Variants in EML6 observed in about 807,000 individuals in gnomAD.
EML6 encodes the protein echinoderm microtubule-associated protein-like 6.
EML6 carries 154 observed loss-of-function variants against 240.1 expected under a neutral mutation model. The ratio of observed to expected loss-of-function variants is 0.64; its 90% confidence interval spans 0.56 to 0.73. EML6 has a LOEUF of 0.73. Ranked by LOEUF, EML6 falls within the 30% of genes least tolerant of loss-of-function variation. The pLI, the probability that EML6 is intolerant of heterozygous loss-of-function variation, is 0.00. For missense variants in EML6, 2,964 were observed against 2,474.6 expected (o/e 1.20, Z -4.20); for synonymous variants, 1,148 against 899.0 (o/e 1.28, Z -4.95).
At chr2:54,813,527 CT>C (rs1667953143) in intron 3 of EML6, 136 bp downstream of exon 3, 1 of 771,272 alleles carries the variant, frequency 1.3e-6, no homozygotes, top group Non-Finnish European at 2.1e-6. Flanking sequence ...AATTTTTCAC[CT>C]GTTTTTTCCC....
chr2:54,802,629 A>G (rs1043758707), intron 2 of EML6, among the ~76,000 whole-genome samples: 6 of 108,502 alleles, frequency 5.5e-5, no homozygotes, highest in East Asian at 2.2e-4. Flanking sequence ...TACTACTACT[A>G]CTACTACTAC....
intron 24 of EML6, 126 bp downstream of exon 24, chr2:54,903,628 A>G: frequency 4.7e-6 from 2 of 428,744 alleles, no homozygotes; most frequent in Non-Finnish European, 8.2e-6. Flanking sequence ...CAACAATATA[A>G]ACGACTGTAA....
intron 2 of EML6, among the ~76,000 whole-genome samples, chr2:54,786,444 CA>C (rs1330213679): frequency 6.6e-6 from 1 of 152,170 alleles, no homozygotes; most frequent in African/African-American, 2.4e-5. Flanking sequence ...AAAGACCACA[CA>C]ACGGAGAACA....
chr2:54,810,082 G>A (rs1667757294), intron 2 of EML6, among the ~76,000 whole-genome samples: 1 of 152,224 alleles, frequency 6.6e-6, no homozygotes, highest in South Asian at 2.1e-4. Context: ...GAGAGGTGAT[G>A]TCACAGACTC....
At chr2:54,745,916 AC>A in intron 2 of EML6, among the ~76,000 whole-genome samples, 1 of 152,290 alleles carries the variant, frequency 6.6e-6, no homozygotes, top group South Asian at 2.1e-4. Flanking sequence ...AGGATTGTAA[AC>A]CAAGGGAGGA....
intron 7 of EML6, among the ~76,000 whole-genome samples, chr2:54,840,967 G>C (rs1250579960): frequency 6.6e-6 from 1 of 152,258 alleles, no homozygotes; most frequent in Admixed American, 6.5e-5. Flanking sequence ...CTGCTAGGGA[G>C]ACAACTAATT....
At chr2:54,730,368 A>G (rs954785743) in intron 2 of EML6, among the ~76,000 whole-genome samples, 4 of 152,204 alleles carry the variant, frequency 2.6e-5, no homozygotes, top group African/African-American at 9.6e-5. Flanking sequence ...GCAAGTTCAC[A>G]TGAAGGCCTA....
intron 28 of EML6, among the ~76,000 whole-genome samples, chr2:54,944,622 G>T (rs763650679): frequency 1.3e-5 from 2 of 152,040 alleles, no homozygotes; most frequent in African/African-American, 4.8e-5. Context: ...AGTCTAAGAC[G>T]ATATCCCCAT....
At chr2:54,835,545 G>A (rs1184889548) in intron 7 of EML6, among the ~76,000 whole-genome samples, 3 of 152,116 alleles carry the variant, frequency 2.0e-5, no homozygotes, top group Admixed American at 6.5e-5. Flanking sequence ...TGGCATAATC[G>A]GATCTCCACT....
intron 28 of EML6, among the ~76,000 whole-genome samples, chr2:54,932,257 G>C (rs564318466): frequency 6.6e-6 from 1 of 152,298 alleles, no homozygotes; most frequent in Non-Finnish European, 1.5e-5. Context: ...GGGATACCCT[G>C]CCTCCATGAC....
chr2:54,815,372 G>A (rs927053962), intron 3 of EML6, among the ~76,000 whole-genome samples: 1 of 152,136 alleles, frequency 6.6e-6, no homozygotes. Context: ...CACTGGAATC[G>A]AATGATATTT....
intron 2 of EML6, among the ~76,000 whole-genome samples, chr2:54,755,814 C>A (rs1572861048): frequency 6.6e-6 from 1 of 152,034 alleles, no homozygotes; most frequent in Non-Finnish European, 1.5e-5. Context: ...TGCAGGCAAC[C>A]ACGCCTGGCT....
chr2:54,843,961 GTT>G (rs761897189), intron 7 of EML6, 84 bp from the exon 8 acceptor site: 9 of 511,444 alleles, frequency 1.8e-5, no homozygotes, highest in African/African-American at 6.7e-5. Context: ...TTACTTTAGG[GTT>G]TTGTGTGTGT....
intron 32 of EML6, among the ~76,000 whole-genome samples, chr2:54,957,354 G>T (rs1478812389): frequency 1.9e-5 from 2 of 106,472 alleles, no homozygotes; most frequent in African/African-American, 7.3e-5. Flanking sequence ...AGAATCTTAG[G>T]AAAAAAAAAA....
intron 2 of EML6, among the ~76,000 whole-genome samples, chr2:54,786,335 G>A (rs1186860798): frequency 2.0e-5 from 3 of 152,146 alleles, no homozygotes; most frequent in Admixed American, 6.5e-5. Context: ...CTGGACTGAG[G>A]TGTTACAATT....
intron 36 of EML6, among the ~76,000 whole-genome samples, chr2:54,962,997 T>G (rs1159984790): frequency 6.6e-6 from 1 of 152,188 alleles, no homozygotes; most frequent in East Asian, 1.9e-4. Context: ...ATTTAAAATG[T>G]GAAATGTTCT....
At chr2:54,904,845 A>C (rs918204312) in intron 24 of EML6, among the ~76,000 whole-genome samples, 1 of 152,124 alleles carries the variant, frequency 6.6e-6, no homozygotes, top group African/African-American at 2.4e-5. Flanking sequence ...CAAAAAGGTT[A>C]TTTCAGAGTA....
At chr2:54,814,511 G>A (rs377315866) in intron 3 of EML6, among the ~76,000 whole-genome samples, 5 of 152,094 alleles carry the variant, frequency 3.3e-5, no homozygotes, top group African/African-American at 4.8e-5. Context: ...CTCCCCAACC[G>A]CCTCCGTTTC....
At chr2:54,723,556 G>C (rs993748761), upstream of EML6, 3 of 152,464 alleles carry the variant, frequency 2.0e-5, no homozygotes, top group Admixed American at 6.5e-5. Flanking sequence ...GTTTCCAAGC[G>C]GCGAGATCTC....
Sources: allele counts gnomAD v4.1 joint callset (sites outside exome capture counted in the v4.1 genomes callset), GRCh38; gene constraint gnomAD v4.1.1; transcripts MANE v1.5; gene names NCBI Gene and HGNC (gene_info 2026-07-23, HGNC 2026-07-21).